The following IL25 variants were observed in gnomAD, a reference collection of about 807,000 sequenced individuals.
IL25 encodes interleukin 25.
In IL25, 10 loss-of-function variants were observed where a neutral mutation model predicts 13.2. That is an observed-to-expected ratio of 0.76 (90% CI 0.47 to 1.29). The LOEUF is 1.29. Among genes scored for constraint, IL25 ranks in the 50% most tolerant of loss-of-function variants. The pLI, the probability that IL25 is intolerant of heterozygous loss-of-function variation, is 0.00. For missense variants in IL25, 235 were observed against 232.4 expected (o/e 1.01, Z -0.07); for synonymous variants, 107 against 92.1 (o/e 1.16, Z -0.93).
chr14:23,375,565 AC>A, intron 1 of IL25, 59 bp from the exon 3 acceptor site: 1 of 1,580,548 alleles, frequency 6.3e-7, no homozygotes, highest in Non-Finnish European at 8.6e-7. Flanking sequence ...CTCCCATGCC[AC>A]CCCACCCTCT....
chr14:23,373,057 G>A, exon 1 of IL25: 1 of 1,614,050 alleles, frequency 6.2e-7, no homozygotes, highest in Non-Finnish European at 8.5e-7. Context: ...AGGCCAAGCT[G>A]CCAGGTTTGG....
chr14:23,373,098 G>A, exon 1 of IL25: 1 of 1,613,912 alleles, frequency 6.2e-7, no homozygotes, highest in Non-Finnish European at 8.5e-7. Context: ...GAGAAACTGG[G>A]ATCCCAGGGG....
intron 1 of IL25, among the ~76,000 whole-genome samples, 157 bp from the exon 3 acceptor site, chr14:23,375,468 G>T (rs1890518821): frequency 6.6e-6 from 1 of 152,154 alleles, no homozygotes; most frequent in South Asian, 2.1e-4. Context: ...AAGGAGGGAG[G>T]TGACTTGTTC....
At chr14:23,372,950 A>C (rs1469954865) in exon 1 of IL25, 2 of 1,613,098 alleles carry the variant, frequency 1.2e-6, no homozygotes, top group South Asian at 2.2e-5. Context: ...CTTGTGACTG[A>C]GTGTGCAGTG....
chr14:23,374,961 TATA>T (rs991400470), intron 1 of IL25, among the ~76,000 whole-genome samples: 1 of 152,096 alleles, frequency 6.6e-6, no homozygotes, highest in African/African-American at 2.4e-5. Flanking sequence ...GCAATAATGC[TATA>T]ATAATAATAG....
At chr14:23,373,062 GT>G in exon 1 of IL25, 1 of 1,614,086 alleles carries the variant, frequency 6.2e-7, no homozygotes, top group Non-Finnish European at 8.5e-7. Context: ...AAGCTGCCAG[GT>G]TTGGGGCTGG....
chr14:23,375,017 C>T (rs1200139672), intron 1 of IL25, among the ~76,000 whole-genome samples: 1 of 151,458 alleles, frequency 6.6e-6, no homozygotes, highest in African/African-American at 2.4e-5. Flanking sequence ...TGCCTGTAAT[C>T]CCAGCACTTT....
At chr14:23,373,530 G>T (rs10143597) in intron 1 of IL25, 134 bp downstream of exon 2, 247,070 of 726,362 alleles carry the variant, frequency 0.34, 49,665 homozygotes, top group African/African-American at 0.79. Flanking sequence ...GTTAGACAAG[G>T]TCTGTATTTG....
At chr14:23,374,025 G>A (rs1890478639) in intron 1 of IL25, among the ~76,000 whole-genome samples, 1 of 152,212 alleles carries the variant, frequency 6.6e-6, no homozygotes, top group South Asian at 2.1e-4. Context: ...TATGAATGAT[G>A]AAGCAAAATA....
intron 1 of IL25, among the ~76,000 whole-genome samples, chr14:23,374,940 T>C (rs1890499589): frequency 6.6e-6 from 1 of 151,990 alleles, no homozygotes; most frequent in Admixed American, 6.6e-5. Context: ...GTCAGAGTGG[T>C]TTTTACTTTT....
intron 1 of IL25, among the ~76,000 whole-genome samples, chr14:23,374,984 C>T (rs11465515): frequency 0.022 from 3,289 of 152,068 alleles, 98 homozygotes; most frequent in African/African-American, 0.076. Context: ...GAAACACCAC[C>T]TAAAGTCCGG....
chr14:23,372,888 C>T, exon 1 of IL25: 1 of 1,384,122 alleles, frequency 7.2e-7, no homozygotes, highest in Non-Finnish European at 1.0e-6. Flanking sequence ...ATCAGGACTC[C>T]TAACCTGCTC....
exon 2 of IL25, chr14:23,376,378 C>T (rs1457979559): frequency 6.4e-6 from 1 of 156,552 alleles, no homozygotes; most frequent in Non-Finnish European, 1.4e-5. Flanking sequence ...GAGATTTATC[C>T]AAATAAATAT....
chr14:23,374,733 T>C (rs1220035365), intron 1 of IL25, among the ~76,000 whole-genome samples: 1 of 76,674 alleles, frequency 1.3e-5, no homozygotes, highest in African/African-American at 5.9e-5. Context: ...TTTCTTTCTT[T>C]TTTTTTTTTT....
At chr14:23,373,504 C>A (rs957781248) in intron 1 of IL25, 108 bp downstream of exon 2, 8 of 957,902 alleles carry the variant, frequency 8.4e-6, no homozygotes, top group Non-Finnish European at 1.2e-5. Context: ...CTCAGAGGGG[C>A]TGTAAAGGTT....
exon 2 of IL25, chr14:23,375,948 A>C: frequency 6.4e-7 from 1 of 1,573,714 alleles, no homozygotes; most frequent in Non-Finnish European, 8.6e-7. Flanking sequence ...CTTGCCATGA[A>C]GGGCCAGGAT....
At chr14:23,373,128 C>A (rs772921037) in exon 1 of IL25, 17 of 1,613,868 alleles carry the variant, frequency 1.1e-5, no homozygotes, top group Non-Finnish European at 1.4e-5. Context: ...GATGAGGGAG[C>A]GACCCAGATT....
At chr14:23,375,678 T>C (rs1470722880) in exon 2 of IL25, 2 of 1,614,142 alleles carry the variant, frequency 1.2e-6, no homozygotes, top group Non-Finnish European at 1.7e-6. Context: ...GCCCGTTGCC[T>C]GTGCCCGCAC....
chr14:23,374,249 G>A (rs1890482027), intron 1 of IL25, among the ~76,000 whole-genome samples: 1 of 152,130 alleles, frequency 6.6e-6, no homozygotes, highest in African/African-American at 2.4e-5. Flanking sequence ...CAGATGGCAT[G>A]GGAGCTTCTT....
Sources: allele counts gnomAD v4.1 joint callset (sites outside exome capture counted in the v4.1 genomes callset), GRCh38; gene constraint gnomAD v4.1.1; transcripts MANE v1.5; gene names NCBI Gene and HGNC (gene_info 2026-07-23, HGNC 2026-07-21).